ERBB4: variants seen among roughly 807,000 people sequenced by gnomAD.
The protein encoded by ERBB4 is receptor tyrosine-protein kinase erbB-4.
In ERBB4, 42 loss-of-function variants were observed where a neutral mutation model predicts 158.0. The ratio of observed to expected loss-of-function variants is 0.27; its 90% confidence interval spans 0.21 to 0.34. ERBB4 has a LOEUF of 0.34. Ranked by LOEUF, ERBB4 falls within the 10% of genes least tolerant of loss-of-function variation. ERBB4 has a pLI of 1.00. For synonymous variants in ERBB4, 583 were observed against 558.7 expected, an observed-to-expected ratio of 1.04 and a Z score of -0.61; for missense variants, 1,333 against 1,624.1, an observed-to-expected ratio of 0.82 and a Z score of 3.08.
In ERBB4 at chr2:212,083,469, T is replaced by C. The variant is rs543021492; in HGVS notation, c.234+41283A>G. Among the ~76,000 whole-genome samples, 103 of 152,002 alleles carry C rather than the reference T, an allele frequency of 6.8e-4. 2 individuals carry two copies. Among genetic ancestry groups the C allele is most frequent in the Admixed American group, 8.5e-4 (13 of 15,244 alleles). On this transcript the variant is annotated intron_variant, in intron 2 of 27. Coordinates refer to ENST00000342788, the MANE Select transcript of ERBB4 (RefSeq NM_005235.3). ...AACATGCAAAATGGAATAAATAACA[T>C]GCAAATGCAATTCGAAAATGACACT...
intron 1 of ERBB4, among the ~76,000 whole-genome samples, chr2:212,256,024 G>GC (rs1431578948): frequency 6.6e-6 from 1 of 150,468 alleles, no homozygotes; most frequent in Admixed American, 6.6e-5. Flanking sequence ...AAATGGGGGG[G>GC]GGTCTCACTC....
rs1284128131 is a variant in ERBB4, at chr2:212,233,980, T to TATTA, written c.83-109081_83-109078dup. Reference sequence around the variant, plus strand: ...TTGCATTATTTATTATTATTATTATTATTATTATTATTATTATTATTATGC... The same window carrying TATTA: ...TTGCATTATTTATTATTATTATTATTATTAATTATTATTATTATTATTATTATGC... On this transcript the variant is annotated intron_variant, in intron 1 of 27. Transcript: ENST00000342788. Among the ~76,000 whole-genome samples the TATTA allele has an allele frequency of 4.0e-5, 6 of 148,714 alleles. No individual in the cohort carries two copies. The East Asian group carries it at 9.8e-4, about 24-fold the overall frequency.
chr2:211,971,662 C>G (rs2081456368), intron 2 of ERBB4, among the ~76,000 whole-genome samples: 1 of 152,112 alleles, frequency 6.6e-6, no homozygotes, highest in Non-Finnish European at 1.5e-5. Flanking sequence ...GAAATACTAG[C>G]AAACTAAATC....
chr2:212,020,833 G>A (rs544768356), intron 2 of ERBB4, among the ~76,000 whole-genome samples: 34 of 151,940 alleles, frequency 2.2e-4, no homozygotes, highest in Non-Finnish European at 4.0e-4. Flanking sequence ...TTCCATTTTG[G>A]TGCCATTAGG....
chr2:211,633,239 A>C (rs2070214486), intron 16 of ERBB4, among the ~76,000 whole-genome samples: 1 of 152,134 alleles, frequency 6.6e-6, no homozygotes. Context: ...GAAAGATCTA[A>C]ATATAAATTA....
At chr2:212,230,593 T>C (rs138544463) in intron 1 of ERBB4, among the ~76,000 whole-genome samples, 179 of 152,320 alleles carry the variant, frequency 1.2e-3, no homozygotes, top group African/African-American at 4.2e-3. Context: ...ACCACACAAC[T>C]GTGTCTAGGA....
At chr2:211,539,943 T>C (rs1163911851) in intron 20 of ERBB4, among the ~76,000 whole-genome samples, 1 of 151,968 alleles carries the variant, frequency 6.6e-6, no homozygotes, top group African/African-American at 2.4e-5. Flanking sequence ...TAATGTTATT[T>C]TTCAAGATAA....
At chr2:212,195,025 C>A (rs993975493) in intron 1 of ERBB4, among the ~76,000 whole-genome samples, 5 of 151,880 alleles carry the variant, frequency 3.3e-5, no homozygotes, top group African/African-American at 9.7e-5. Flanking sequence ...TGCCCTCATG[C>A]TACTTTGAGA....
chr2:211,551,791 T>C (rs2067105774), intron 20 of ERBB4, among the ~76,000 whole-genome samples: 2 of 152,202 alleles, frequency 1.3e-5, no homozygotes, highest in African/African-American at 4.8e-5. Context: ...ACATTCATAT[T>C]TGAATTTAAT....
rs180942293 is a variant in ERBB4 at position 211,495,274 on chromosome 2, T to A, written c.2488-64174A>T. Among the ~76,000 whole-genome samples, 717 of 152,138 alleles carry A rather than the reference T, an allele frequency of 4.7e-3. 5 individuals are homozygous for A. The highest frequency in any genetic ancestry group is 6.8e-3 in the Non-Finnish European group (463 of 68,008). ...TTTTTAGATTAAGTGTTTAAGCCAT[T>A]GTGCCTGGAAAAATCATATCAAAAT... On this transcript the variant is annotated intron_variant, in intron 20 of 27. Coordinates refer to ENST00000342788, the MANE Select transcript of ERBB4 (RefSeq NM_005235.3).
At chr2:212,413,626 C>T (rs73987399) in intron 1 of ERBB4, among the ~76,000 whole-genome samples, 3,092 of 151,984 alleles carry the variant, frequency 0.02, 108 homozygotes, top group African/African-American at 0.071. Context: ...ACTAGTAATA[C>T]GATATGGGAA....
chr2:212,272,811 A>G (rs2085392042), intron 1 of ERBB4, among the ~76,000 whole-genome samples: 2 of 151,910 alleles, frequency 1.3e-5, no homozygotes, highest in South Asian at 4.1e-4. Flanking sequence ...TCTGTATATG[A>G]AATTAAGAAA....
At chr2:211,592,003 C>T (rs2068482819) in intron 19 of ERBB4, among the ~76,000 whole-genome samples, 1 of 152,182 alleles carries the variant, frequency 6.6e-6, no homozygotes, top group Non-Finnish European at 1.5e-5. Context: ...AAAATTCTCT[C>T]GGCCCCGAAG....
chr2:211,775,700 G>T (rs1306355296), intron 4 of ERBB4, among the ~76,000 whole-genome samples: 1 of 152,146 alleles, frequency 6.6e-6, no homozygotes, highest in Non-Finnish European at 1.5e-5. Context: ...CTTGAGGAGG[G>T]TGATAGGCTG....
At chr2:212,229,119 T>A (rs1345625271) in intron 1 of ERBB4, among the ~76,000 whole-genome samples, 56 of 152,132 alleles carry the variant, frequency 3.7e-4, no homozygotes, top group Admixed American at 3.7e-3. Flanking sequence ...CATAGGTGAA[T>A]AATGTACAGT....
intron 14 of ERBB4, among the ~76,000 whole-genome samples, chr2:211,669,339 C>T (rs1394363912): frequency 6.6e-6 from 1 of 150,592 alleles, no homozygotes; most frequent in African/African-American, 2.4e-5. Context: ...TTATTTGTTA[C>T]AGCAGCACAA....
chr2:211,624,586 G>C (rs1039028181), intron 17 of ERBB4, among the ~76,000 whole-genome samples: 3 of 152,108 alleles, frequency 2.0e-5, no homozygotes, highest in Non-Finnish European at 2.9e-5. Context: ...GGTGATCCTC[G>C]AACACATTTG....
intron 19 of ERBB4, among the ~76,000 whole-genome samples, chr2:211,563,480 G>A (rs1293396794): frequency 2.0e-5 from 3 of 152,130 alleles, no homozygotes; most frequent in African/African-American, 4.8e-5. Flanking sequence ...TAGGAGAAAC[G>A]TAAAAGAAGT....
intron 2 of ERBB4, among the ~76,000 whole-genome samples, chr2:211,998,979 C>A (rs2076040838): frequency 6.6e-6 from 1 of 151,562 alleles, no homozygotes; most frequent in Admixed American, 6.6e-5. Context: ...AATCATTTAA[C>A]AAAAAAGTTT....
Sources: gnomAD v4.1 joint callset for allele counts (sites outside exome capture counted in the v4.1 genomes callset) on GRCh38, gnomAD v4.1.1 for gene constraint, MANE v1.5 for transcripts, NCBI Gene and HGNC (gene_info 2026-07-23, HGNC 2026-07-21) for gene names.